The following KDM4C variants were observed in gnomAD, a reference collection of about 807,000 sequenced individuals.
The protein encoded by KDM4C is lysine-specific demethylase 4C.
In KDM4C, 81 loss-of-function variants were observed where a neutral mutation model predicts 129.3. The observed-to-expected ratio is 0.63, with a 90% CI of 0.52 to 0.75. KDM4C has a LOEUF of 0.75. KDM4C is among the 30% of genes least tolerant of loss of function. The pLI is 0.00. For missense variants in KDM4C, 1,457 were observed against 1,304.0 expected, an observed-to-expected ratio of 1.12 and a Z score of -1.81; for synonymous variants, 573 against 456.1, an observed-to-expected ratio of 1.26 and a Z score of -3.26.
At chr9:7,046,351 G>A (rs904389319) in intron 15 of KDM4C, among the ~76,000 whole-genome samples, 1 of 151,924 alleles carries the variant, frequency 6.6e-6, no homozygotes, top group Non-Finnish European at 1.5e-5. Flanking sequence ...GAAAGAGTGA[G>A]GCGCAAGTGT....
intron 3 of KDM4C, among the ~76,000 whole-genome samples, chr9:6,812,567 G>T (rs1183246572): frequency 6.6e-6 from 1 of 152,178 alleles, no homozygotes; most frequent in Non-Finnish European, 1.5e-5. Context: ...CACATGCACA[G>T]TTCACAACAG....
intron 15 of KDM4C, among the ~76,000 whole-genome samples, chr9:7,042,571 C>T (rs930723036): frequency 6.6e-6 from 1 of 151,924 alleles, no homozygotes; most frequent in Non-Finnish European, 1.5e-5. Flanking sequence ...AAAAGGAGTT[C>T]TTGATTATTT....
rs1024848997 is a variant in KDM4C, at chr9:7,060,460, A to G, written c.2424+11260A>G. On this transcript the variant is annotated intron_variant, in intron 17 of 21. Transcript: ENST00000381309. ...ACTTTTTAGCAGTATTGTTGTTATT[A>G]TTATTATTATTATTATTATTATTAT... Among the ~76,000 whole-genome samples, 593 of 82,190 alleles carry G rather than the reference A, an allele frequency of 7.2e-3. 4 individuals carry two copies. The highest frequency in any genetic ancestry group is 0.05 in the African/African-American group (517 of 10,344). The allele number at this position is 82,190 out of a possible 152,430, so 53.9% of individuals were successfully genotyped here.
intron 2 of KDM4C, among the ~76,000 whole-genome samples, chr9:6,802,373 C>T (rs942055125): frequency 3.9e-5 from 6 of 152,096 alleles, no homozygotes; most frequent in African/African-American, 1.4e-4. Flanking sequence ...CTACACGTAT[C>T]CTATGTGTCA....
intron 4 of KDM4C, among the ~76,000 whole-genome samples, chr9:6,833,645 C>A (rs1348077188): frequency 6.6e-6 from 1 of 152,120 alleles, no homozygotes. Context: ...GCTGGCAGGA[C>A]AAAATGAGGT....
chr9:6,732,094 G>A (rs1817357278), intron 1 of KDM4C, among the ~76,000 whole-genome samples: 1 of 152,054 alleles, frequency 6.6e-6, no homozygotes, highest in African/African-American at 2.4e-5. Flanking sequence ...GGGGCTGGGT[G>A]TGGTGGCTCA....
intron 8 of KDM4C, among the ~76,000 whole-genome samples, chr9:6,929,863 C>T (rs11794732): frequency 0.25 from 38,444 of 152,020 alleles, 5,363 homozygotes; most frequent in South Asian, 0.39. Context: ...TTTTGAGGAT[C>T]AAAATAGACG....
intron 21 of KDM4C, among the ~76,000 whole-genome samples, chr9:7,171,208 A>G (rs552764500): frequency 1.3e-5 from 2 of 152,120 alleles, no homozygotes; most frequent in East Asian, 3.9e-4. Flanking sequence ...ATTGCTGCCC[A>G]CTCGATGGGA....
chr9:7,108,387 C>T (rs1002797470), intron 18 of KDM4C, among the ~76,000 whole-genome samples: 1 of 152,094 alleles, frequency 6.6e-6, no homozygotes, highest in East Asian at 1.9e-4. Flanking sequence ...CAGGTGTGCG[C>T]CCCCATGTCC....
intron 4 of KDM4C, among the ~76,000 whole-genome samples, chr9:6,837,843 A>G (rs977708665): frequency 6.6e-6 from 1 of 152,124 alleles, no homozygotes; most frequent in Non-Finnish European, 1.5e-5. Context: ...TAATTTTAAT[A>G]GATTTTTACT....
intron 18 of KDM4C, among the ~76,000 whole-genome samples, chr9:7,125,741 C>T (rs1322858928): frequency 6.6e-6 from 1 of 152,184 alleles, no homozygotes; most frequent in Non-Finnish European, 1.5e-5. Flanking sequence ...TCCCTGCTTT[C>T]TGTAGGTACA....
At chr9:7,127,950 T>C (rs529279695) in intron 18 of KDM4C, 116 bp from the exon 19 acceptor site, 6 of 982,138 alleles carry the variant, frequency 6.1e-6, no homozygotes, top group East Asian at 3.1e-5. Context: ...AAAAATTTTT[T>C]TTTTAAATCT....
chr9:6,969,185 G>T (rs4742278), intron 8 of KDM4C, among the ~76,000 whole-genome samples: 3,912 of 152,096 alleles, frequency 0.026, 174 homozygotes, highest in African/African-American at 0.089. Flanking sequence ...ATCTGCCTGC[G>T]TCTGCCTCCC....
intron 5 of KDM4C, among the ~76,000 whole-genome samples, chr9:6,856,524 ATC>A (rs1354072480): frequency 6.9e-6 from 1 of 145,914 alleles, no homozygotes; most frequent in Admixed American, 6.9e-5. Context: ...TTTTAGGCAT[ATC>A]TCTCTCTGTG....
chr9:6,842,498 C>T (rs535920974), intron 4 of KDM4C, among the ~76,000 whole-genome samples: 1 of 151,810 alleles, frequency 6.6e-6, no homozygotes, highest in African/African-American at 2.4e-5. Flanking sequence ...CCACGCCTGG[C>T]TAATTTTTTT....
At position 7,052,909 on chromosome 9, in the gene KDM4C, G is replaced by GAGA. The variant is rs767668455; in HGVS notation, c.2424+3709_2424+3710insAGA. ...AGAGAGAGAGAGAGAGAGCGAGCGA[G>GAGA]TGCCCAAGGGATGACAATAGAGCAT... On this transcript the variant is annotated intron_variant, in intron 17 of 21. Transcript: ENST00000381309. Among the ~76,000 whole-genome samples the GAGA allele has an allele frequency of 7.0e-3, 695 of 99,974 alleles. 68 individuals carry two copies. Among genetic ancestry groups the GAGA allele is most frequent in the Admixed American group, 0.012 (128 of 10,596 alleles). 65.6% of individuals were successfully genotyped at this position (99,974 alleles called of 152,430 possible).
intron 3 of KDM4C, among the ~76,000 whole-genome samples, chr9:6,813,395 C>G (rs1385405861): frequency 2.6e-5 from 4 of 151,988 alleles, no homozygotes; most frequent in African/African-American, 9.7e-5. Flanking sequence ...TCAAATTGTT[C>G]TATGTTTTAA....
chr9:6,743,923 T>A (rs1173881245), intron 1 of KDM4C, among the ~76,000 whole-genome samples: 1 of 152,064 alleles, frequency 6.6e-6, no homozygotes, highest in Non-Finnish European at 1.5e-5. Flanking sequence ...CCAATTTTTT[T>A]TTTTTTTTGA....
In KDM4C at chr9:7,147,352, AC is replaced by A. The variant is rs527915100; in HGVS notation, c.2782-17885del. On this transcript the variant is annotated intron_variant, in intron 19 of 21. Transcript: ENST00000381309. ...GCCTTGGAAAGCCGGACATATAAACACAGGGCAGCCTTCTCTCCCCTGCGTG... is the reference window on the plus strand; with the variant it reads ...GCCTTGGAAAGCCGGACATATAAACAAGGGCAGCCTTCTCTCCCCTGCGTG... 5.8e-4 allele frequency among the ~76,000 whole-genome samples: 89 copies of A among 152,266 alleles called. No individual in the cohort carries two copies. The South Asian group carries it at 0.012, about 20-fold the overall frequency.
Sources: allele counts gnomAD v4.1 joint callset (sites outside exome capture counted in the v4.1 genomes callset), GRCh38; gene constraint gnomAD v4.1.1; transcripts MANE v1.5; gene names NCBI Gene and HGNC (gene_info 2026-07-23, HGNC 2026-07-21).